Variants in ROBO2 observed in about 807,000 individuals in gnomAD.
ROBO2 encodes the protein roundabout guidance receptor 2.
In ROBO2, 53 loss-of-function variants were observed where a neutral mutation model predicts 160.8. The observed-to-expected ratio is 0.33, with a 90% confidence interval of 0.26 to 0.41. The LOEUF is 0.41. Ranked by LOEUF, ROBO2 falls within the 10% of genes least tolerant of loss-of-function variation. ROBO2 has a pLI of 1.00. For synonymous variants in ROBO2, 664 were observed against 611.7 expected (o/e 1.09, Z -1.26); for missense variants, 1,577 against 1,722.4 (o/e 0.92, Z 1.49).
chr3:76,347,734 G>T (rs902704671), intron 2 of ROBO2, among the ~76,000 whole-genome samples: 2 of 151,868 alleles, frequency 1.3e-5, no homozygotes, highest in African/African-American at 2.4e-5. Context: ...AGCACAAAAA[G>T]GCAACAGAGA....
chr3:76,518,340 T>A (rs9883018), intron 2 of ROBO2, among the ~76,000 whole-genome samples: 1 of 152,096 alleles, frequency 6.6e-6, no homozygotes, highest in South Asian at 2.1e-4. Context: ...ATAGTAGGTA[T>A]GATGTTTTGG....
chr3:76,943,414 C>G (rs1424698425), intron 2 of ROBO2, among the ~76,000 whole-genome samples: 1 of 152,200 alleles, frequency 6.6e-6, no homozygotes, highest in Admixed American at 6.5e-5. Flanking sequence ...AATTGTTCTT[C>G]TGGTATTTCA....
chr3:76,870,002 C>G (rs1000364113), intron 2 of ROBO2, among the ~76,000 whole-genome samples: 1 of 152,032 alleles, frequency 6.6e-6, no homozygotes, highest in African/African-American at 2.4e-5. Flanking sequence ...AATAAAATAC[C>G]CCAAATCACA....
At chr3:76,094,134 TCACACACA>T (rs59815528) in intron 2 of ROBO2, among the ~76,000 whole-genome samples, 1 of 148,508 alleles carries the variant, frequency 6.7e-6, no homozygotes, top group East Asian at 2.0e-4. Context: ...ACACTCGCAC[TCACACACA>T]CACACACACA....
At chr3:77,307,248 A>C (rs1272951724) in intron 2 of ROBO2, among the ~76,000 whole-genome samples, 2 of 152,240 alleles carry the variant, frequency 1.3e-5, no homozygotes, top group African/African-American at 2.4e-5. Context: ...GTCTCTGACC[A>C]AAAAGAATTA....
intron 11 of ROBO2, among the ~76,000 whole-genome samples, 158 bp downstream of exon 12, chr3:77,563,487 A>T (rs2093392012): frequency 1.3e-5 from 2 of 152,134 alleles, no homozygotes; most frequent in Middle Eastern, 3.4e-3. Flanking sequence ...AACAGAGTTA[A>T]TTTTTTTTAG....
intron 2 of ROBO2, among the ~76,000 whole-genome samples, chr3:76,057,330 A>G (rs917662650): frequency 6.6e-5 from 10 of 152,136 alleles, no homozygotes; most frequent in African/African-American, 2.4e-4. Context: ...AATAAGTATG[A>G]TCCTCAGTAC....
intron 1 of ROBO2, among the ~76,000 whole-genome samples, chr3:75,935,465 A>G (rs1432431970): frequency 1.3e-5 from 2 of 152,114 alleles, no homozygotes; most frequent in Admixed American, 6.6e-5. Flanking sequence ...GTGAGCTATG[A>G]TCACACCACT....
At chr3:76,950,565 T>C (rs879104882) in intron 2 of ROBO2, among the ~76,000 whole-genome samples, 1 of 152,150 alleles carries the variant, frequency 6.6e-6, no homozygotes, top group African/African-American at 2.4e-5. Context: ...GCCAGTTCAA[T>C]TGCCATGAAG....
chr3:75,928,385 T>C (rs1449148054), intron 1 of ROBO2, among the ~76,000 whole-genome samples: 1 of 152,248 alleles, frequency 6.6e-6, no homozygotes, highest in Non-Finnish European at 1.5e-5. Flanking sequence ...AGACATTATG[T>C]CTACTTATTT....
At chr3:76,407,080 A>G (rs933502396) in intron 2 of ROBO2, among the ~76,000 whole-genome samples, 2 of 149,524 alleles carry the variant, frequency 1.3e-5, no homozygotes, top group African/African-American at 2.5e-5. Flanking sequence ...CTTTTTTTAG[A>G]CACACCAGTT....
At chr3:77,401,657 C>T (rs1386215768) in intron 2 of ROBO2, among the ~76,000 whole-genome samples, 2 of 151,758 alleles carry the variant, frequency 1.3e-5, no homozygotes, top group African/African-American at 2.4e-5. Flanking sequence ...GCCAGCTAGT[C>T]AGATATGAGC....
At chr3:77,152,470 G>A (rs1022692283) in intron 2 of ROBO2, among the ~76,000 whole-genome samples, 1 of 152,068 alleles carries the variant, frequency 6.6e-6, no homozygotes, top group Non-Finnish European at 1.5e-5. Flanking sequence ...CCAGATTTTG[G>A]TGATCAACAG....
chr3:76,439,762 T>C (rs2076839749), intron 2 of ROBO2, among the ~76,000 whole-genome samples: 1 of 152,174 alleles, frequency 6.6e-6, no homozygotes, highest in Non-Finnish European at 1.5e-5. Flanking sequence ...TGCCTGTCAA[T>C]GCATGATGAA....
At chr3:76,809,275 T>C (rs1339281808) in intron 2 of ROBO2, among the ~76,000 whole-genome samples, 1 of 152,088 alleles carries the variant, frequency 6.6e-6, no homozygotes, top group Non-Finnish European at 1.5e-5. Context: ...TTGGCAGAAT[T>C]CATATCATTA....
At chr3:76,765,995 G>A (rs1406305861) in intron 2 of ROBO2, among the ~76,000 whole-genome samples, 1 of 151,664 alleles carries the variant, frequency 6.6e-6, no homozygotes, top group Non-Finnish European at 1.5e-5. Context: ...TTCCTTTTTA[G>A]ATCTCAATTA....
intron 2 of ROBO2, among the ~76,000 whole-genome samples, chr3:76,883,384 T>A (rs2073558367): frequency 1.3e-5 from 2 of 152,286 alleles, no homozygotes; most frequent in Middle Eastern, 3.4e-3. Context: ...TTGTGATTAA[T>A]AGAAATGATC....
chr3:77,161,222 T>G (rs1359260489), intron 2 of ROBO2, among the ~76,000 whole-genome samples: 1 of 152,198 alleles, frequency 6.6e-6, no homozygotes, highest in Admixed American at 6.5e-5. Context: ...TAATAATAAT[T>G]ATGTGTTTGG....
chr3:76,844,571 A>G (rs1039856250), intron 2 of ROBO2, among the ~76,000 whole-genome samples: 2 of 151,970 alleles, frequency 1.3e-5, no homozygotes, highest in Non-Finnish European at 2.9e-5. Flanking sequence ...TTTTCTCTCC[A>G]AGCCTCACTT....
Sources: gnomAD v4.1 joint callset for allele counts (sites outside exome capture counted in the v4.1 genomes callset) on GRCh38, gnomAD v4.1.1 for gene constraint, MANE v1.5 for transcripts, NCBI Gene and HGNC (gene_info 2026-07-23, HGNC 2026-07-21) for gene names.